The following PAN3 variants were observed in gnomAD, a reference collection of about 807,000 sequenced individuals.
PAN3 encodes poly(A) specific ribonuclease subunit PAN3.
A neutral mutation model predicts 96.2 loss-of-function variants in PAN3; 19 were observed. The observed-to-expected ratio is 0.20, with a 90% CI of 0.14 to 0.29. The LOEUF is 0.29. Among genes scored for constraint, PAN3 ranks in the 10% least tolerant of loss-of-function variants. PAN3 has a pLI of 1.00. For synonymous variants in PAN3, 433 were observed against 406.6 expected (o/e 1.06, Z -0.78); for missense variants, 882 against 1,108.1 (o/e 0.80, Z 2.90).
intron 1 of PAN3, among the ~76,000 whole-genome samples, chr13:28,152,469 A>G (rs939571209): frequency 3.2e-4 from 49 of 152,150 alleles, no homozygotes; most frequent in Non-Finnish European, 6.8e-4. Flanking sequence ...CTGTAATCCC[A>G]GCTACTCAGG....
rs1566168210 is a variant in PAN3 at position 28,186,139 on chromosome 13, C to CT, written c.690+8207dup. The stretch of plus-strand genomic sequence containing the variant: ...TAAATTCTAGTTATTTGAATGAAGT[C>CT]TTTATCAGTTCTCATTGATTCCATC... On this transcript the variant is annotated intron_variant, in intron 4 of 18. Coordinates refer to ENST00000380958, the MANE Select transcript of PAN3 (RefSeq NM_175854.8). 5.9e-5 allele frequency among the ~76,000 whole-genome samples: 9 copies of CT among 152,202 alleles called. No homozygotes were observed. In the South Asian group the frequency reaches 1.9e-3, roughly 32 times the overall value.
chr13:28,245,946 T>G (rs1483325230), intron 6 of PAN3, among the ~76,000 whole-genome samples: 1 of 152,210 alleles, frequency 6.6e-6, no homozygotes, highest in African/African-American at 2.4e-5. Context: ...TTATTTCCAC[T>G]TTTTGGTAAT....
chr13:28,176,121 G>C (rs931822815), intron 2 of PAN3, among the ~76,000 whole-genome samples: 3 of 152,140 alleles, frequency 2.0e-5, no homozygotes, highest in Non-Finnish European at 4.4e-5. Context: ...AATGGAGAAA[G>C]GGTATTAGAG....
intron 5 of PAN3, among the ~76,000 whole-genome samples, chr13:28,199,076 T>C (rs1430754577): frequency 6.6e-6 from 1 of 152,244 alleles, no homozygotes; most frequent in African/African-American, 2.4e-5. Context: ...GTATAGTTTT[T>C]TTAACTGAAT....
At chr13:28,139,550 GT>G (rs1869374281) in intron 1 of PAN3, among the ~76,000 whole-genome samples, 3 of 137,648 alleles carry the variant, frequency 2.2e-5, no homozygotes, top group Admixed American at 7.3e-5. Flanking sequence ...GTGTGTGTGT[GT>G]AGGGGGCGGG....
At chr13:28,283,290 C>G (rs574803568) in intron 17 of PAN3, among the ~76,000 whole-genome samples, 53 of 152,306 alleles carry the variant, frequency 3.5e-4, no homozygotes, top group African/African-American at 1.3e-3. Context: ...CTCAGGTGAT[C>G]CACCTGCCTC....
Position 28,140,378 on chromosome 13 carries a change from ACTTT to A in PAN3, c.430+1295_430+1298del, listed in dbSNP as rs1258039713. ...CGTTTCTAAACCAAATAGGAGTCCT[ACTTT>A]CTTGGGAATTCTGGAGAACTAGATC... On this transcript the variant is annotated intron_variant, in intron 1 of 18. Coordinates refer to ENST00000380958, the MANE Select transcript of PAN3 (RefSeq NM_175854.8). 3.9e-5 allele frequency among the ~76,000 whole-genome samples: 6 copies of A among 152,272 alleles called. No individual in the cohort carries two copies. The South Asian group carries it at 6.2e-4, about 16-fold the overall frequency.
chr13:28,220,996 C>T (rs1469556424), intron 6 of PAN3, among the ~76,000 whole-genome samples: 2 of 152,078 alleles, frequency 1.3e-5, no homozygotes, highest in Non-Finnish European at 2.9e-5. Flanking sequence ...ACAATTTGGG[C>T]AAATGTGCTT....
intron 6 of PAN3, among the ~76,000 whole-genome samples, chr13:28,231,423 T>A (rs1882543099): frequency 6.6e-6 from 1 of 152,156 alleles, no homozygotes; most frequent in Admixed American, 6.5e-5. Flanking sequence ...TCATATAAAT[T>A]GACATTATGT....
At chr13:28,274,665 A>G (rs1886917284) in intron 14 of PAN3, among the ~76,000 whole-genome samples, 2 of 152,190 alleles carry the variant, frequency 1.3e-5, no homozygotes, top group Admixed American at 1.3e-4. Flanking sequence ...TAATATTTGT[A>G]AGTCAGGATA....
intron 6 of PAN3, among the ~76,000 whole-genome samples, chr13:28,249,646 C>T (rs965676927): frequency 6.6e-6 from 1 of 152,062 alleles, no homozygotes. Context: ...GACGGGGTTT[C>T]ACCATGTTGA....
chr13:28,279,094 A>G (rs184315995), intron 15 of PAN3, among the ~76,000 whole-genome samples: 271 of 152,038 alleles, frequency 1.8e-3, no homozygotes, highest in African/African-American at 6.2e-3. Context: ...AGTGAGTAGG[A>G]GGCTGCTTTC....
chr13:28,144,718 CTTTTTTTTTTTT>C (rs1555267660), intron 1 of PAN3, among the ~76,000 whole-genome samples: 8,372 of 46,776 alleles, frequency 0.18, 382 homozygotes, highest in Non-Finnish European at 0.25. Context: ...AAAACATCAT[CTTTTTTTTTTTT>C]TTTTTTTTTC....
intron 5 of PAN3, among the ~76,000 whole-genome samples, chr13:28,207,217 G>T (rs1351928505): frequency 6.6e-6 from 1 of 152,130 alleles, no homozygotes; most frequent in Non-Finnish European, 1.5e-5. Context: ...TAACTTGTGA[G>T]CTCTTTTTGA....
At chr13:28,276,838 G>A (rs1236307511) in intron 14 of PAN3, among the ~76,000 whole-genome samples, 2 of 152,156 alleles carry the variant, frequency 1.3e-5, no homozygotes, top group African/African-American at 4.8e-5. Context: ...CAAAGCAAAT[G>A]TATAGTAACC....
intron 1 of PAN3, among the ~76,000 whole-genome samples, chr13:28,158,356 T>G (rs917436498): frequency 1.3e-5 from 2 of 152,130 alleles, no homozygotes; most frequent in African/African-American, 4.8e-5. Context: ...TGAGACCTAA[T>G]TAAAGAGCTT....
intron 15 of PAN3, among the ~76,000 whole-genome samples, chr13:28,279,759 C>T (rs1266312552): frequency 7.0e-6 from 1 of 142,886 alleles, no homozygotes; most frequent in Non-Finnish European, 1.5e-5. Context: ...ACTCTGTCAC[C>T]AAAAAAAAAA....
chr13:28,228,772 A>G lies in PAN3; in HGVS notation c.1000+8394A>G, dbSNP rs193013216. Among the ~76,000 whole-genome samples, 764 of 152,300 alleles carry G rather than the reference A, an allele frequency of 5.0e-3. 5 individuals carry two copies. The highest frequency in any genetic ancestry group is 0.017 in the African/African-American group (720 of 41,562). ...GTATTCATCAGCTGCTCTCTCCGCC[A>G]TAGTTAATATGCTGCTCTCTCAGCC... On this transcript the variant is annotated intron_variant, in intron 6 of 18. Coordinates refer to ENST00000380958, the MANE Select transcript of PAN3 (RefSeq NM_175854.8).
chr13:28,145,020 A>G (rs1003629356), intron 1 of PAN3, among the ~76,000 whole-genome samples: 22 of 152,054 alleles, frequency 1.4e-4, no homozygotes, highest in Admixed American at 6.5e-5. Context: ...GCCTGGCCCA[A>G]TATCATCCTT....
Sources: gnomAD v4.1 joint callset for allele counts (sites outside exome capture counted in the v4.1 genomes callset) on GRCh38, gnomAD v4.1.1 for gene constraint, MANE v1.5 for transcripts, NCBI Gene and HGNC (gene_info 2026-07-23, HGNC 2026-07-21) for gene names.